SMAP1: variants seen among roughly 807,000 people sequenced by gnomAD.
SMAP1 encodes stromal membrane-associated protein 1.
In SMAP1, 24 loss-of-function variants were observed where a neutral mutation model predicts 58.5. That is an observed-to-expected ratio of 0.41 (90% CI 0.30 to 0.58). SMAP1 has a LOEUF of 0.58. SMAP1 is among the 20% of genes least tolerant of loss of function. The probability of loss-of-function intolerance (pLI) is 0.29; values close to 1 mark genes in which losing one functional copy is unlikely to be tolerated. For missense variants in SMAP1, 563 were observed against 566.3 expected, an observed-to-expected ratio of 0.99 and a Z score of 0.06; for synonymous variants, 216 against 196.6, an observed-to-expected ratio of 1.10 and a Z score of -0.82.
intron 6 of SMAP1, among the ~76,000 whole-genome samples, chr6:70,813,232 C>G (rs1769468118): frequency 1.3e-5 from 2 of 152,018 alleles, no homozygotes; most frequent in South Asian, 4.2e-4. Flanking sequence ...GGGGGTATGT[C>G]ACAGGCTTCT....
intron 6 of SMAP1, among the ~76,000 whole-genome samples, chr6:70,822,280 G>A (rs1769922730): frequency 6.6e-6 from 1 of 152,074 alleles, no homozygotes; most frequent in Admixed American, 6.5e-5. Flanking sequence ...TGTTTGTGAG[G>A]CATTGTTCTA....
intron 6 of SMAP1, among the ~76,000 whole-genome samples, chr6:70,810,021 A>C (rs1769318391): frequency 6.6e-6 from 1 of 152,134 alleles, no homozygotes; most frequent in South Asian, 2.1e-4. Flanking sequence ...ATTAAAAAAG[A>C]AAAAATCTTT....
intron 2 of SMAP1, among the ~76,000 whole-genome samples, chr6:70,747,315 C>G (rs1766085018): frequency 6.6e-6 from 1 of 152,140 alleles, no homozygotes; most frequent in South Asian, 2.1e-4. Flanking sequence ...CCACAATGTG[C>G]TGAGGGCCTT....
chr6:70,675,650 CAAAA>C (rs571061801), intron 1 of SMAP1, among the ~76,000 whole-genome samples: 1 of 82,476 alleles, frequency 1.2e-5, no homozygotes, highest in Non-Finnish European at 2.5e-5. Context: ...GACTCCATCT[CAAAA>C]AAAAAAAAAA....
At chr6:70,830,951 A>G (rs565511269) in intron 6 of SMAP1, among the ~76,000 whole-genome samples, 1 of 152,338 alleles carries the variant, frequency 6.6e-6, no homozygotes, top group Admixed American at 6.5e-5. Context: ...GATTATTTAA[A>G]TTGCCTTGTT....
At chr6:70,782,940 G>A (rs562492677) in intron 4 of SMAP1, among the ~76,000 whole-genome samples, 10 of 152,240 alleles carry the variant, frequency 6.6e-5, no homozygotes, top group South Asian at 6.2e-4. Context: ...GAGAGTAGTC[G>A]TTCTCCCAGC....
chr6:70,695,785 C>A (rs1767377951), intron 1 of SMAP1, among the ~76,000 whole-genome samples: 1 of 152,064 alleles, frequency 6.6e-6, no homozygotes, highest in African/African-American at 2.4e-5. Flanking sequence ...TGATACTAGC[C>A]TTGTAGAATG....
intron 5 of SMAP1, among the ~76,000 whole-genome samples, chr6:70,792,251 G>C (rs1768394295): frequency 1.3e-5 from 2 of 151,924 alleles, no homozygotes; most frequent in East Asian, 1.9e-4. Context: ...TTAGGGTGCA[G>C]ATACTACCAC....
At chr6:70,792,712 A>G (rs1335235559) in intron 5 of SMAP1, among the ~76,000 whole-genome samples, 1 of 152,134 alleles carries the variant, frequency 6.6e-6, no homozygotes, top group Non-Finnish European at 1.5e-5. Flanking sequence ...TGCAAGTAGA[A>G]TGGCATAACT....
chr6:70,721,698 T>C (rs142913303), intron 1 of SMAP1, among the ~76,000 whole-genome samples: 7,212 of 152,244 alleles, frequency 0.047, 248 homozygotes, highest in Middle Eastern at 0.088. Context: ...TAATTGGACT[T>C]ACAGTTCCAC....
intron 2 of SMAP1, among the ~76,000 whole-genome samples, chr6:70,745,781 C>G (rs1264679689): frequency 1.3e-5 from 2 of 152,138 alleles, no homozygotes; most frequent in South Asian, 4.1e-4. Flanking sequence ...GCCATTTTCA[C>G]GATACTGATT....
intron 8 of SMAP1, 101 bp from the exon 9 acceptor site, chr6:70,856,758 T>C: frequency 8.1e-7 from 1 of 1,232,296 alleles, no homozygotes; most frequent in Non-Finnish European, 1.1e-6. Flanking sequence ...TACAATTGTT[T>C]GATTCCTATC....
At chr6:70,740,943 C>T (rs1562126623) in intron 2 of SMAP1, among the ~76,000 whole-genome samples, 1 of 152,234 alleles carries the variant, frequency 6.6e-6, no homozygotes, top group East Asian at 1.9e-4. Flanking sequence ...CTTATAAAAC[C>T]ATTGACTCTC....
At chr6:70,727,080 C>T (rs556514677) in intron 1 of SMAP1, among the ~76,000 whole-genome samples, 11 of 152,022 alleles carry the variant, frequency 7.2e-5, no homozygotes, top group African/African-American at 2.4e-4. Context: ...CCAGACTTTA[C>T]CTGCTGTGTA....
intron 1 of SMAP1, among the ~76,000 whole-genome samples, chr6:70,671,687 C>A (rs977544577): frequency 6.6e-6 from 1 of 152,206 alleles, no homozygotes; most frequent in Admixed American, 6.5e-5. Flanking sequence ...CATGTTCTAT[C>A]TCTGTAGGTT....
chr6:70,825,006 C>A (rs772229594), intron 6 of SMAP1, among the ~76,000 whole-genome samples: 71 of 152,116 alleles, frequency 4.7e-4, no homozygotes, highest in Non-Finnish European at 1.0e-4. Context: ...CCCTGCTCAC[C>A]CTGTCATAGA....
intron 1 of SMAP1, among the ~76,000 whole-genome samples, chr6:70,690,702 A>G (rs926910508): frequency 5.0e-5 from 7 of 141,402 alleles, no homozygotes; most frequent in East Asian, 3.9e-4. Context: ...ATATATATAT[A>G]TATATATTTT....
chr6:70,681,674 G>C (rs1440010294), intron 1 of SMAP1, among the ~76,000 whole-genome samples: 1 of 152,168 alleles, frequency 6.6e-6, no homozygotes, highest in Non-Finnish European at 1.5e-5. Context: ...GTATGTGTGT[G>C]TGTTTTTTAT....
At position 70,773,383 on chromosome 6, in the gene SMAP1, A is replaced by G. The variant is rs1767406787; in HGVS notation, c.372A>G (p.Glu124=). ...AATTTTTCATCAGAGATAAATATGA[A>G]AAGAAGAAATACTACGATAAAAATG... ...AVEFFIRDKY[E]KKKYYDKNAI... is the part of the protein sequence containing the mutation. Residue 124 remains glutamate, a synonymous_variant, in exon 4 of 11, where the codon GAA becomes GAG. Transcript: ENST00000370455. 5 of 1,574,328 alleles carry G rather than the reference A, an allele frequency of 3.2e-6. No individual in the cohort carries two copies. In the African/African-American group the frequency reaches 4.0e-5, roughly 13 times the overall value.
Sources: allele counts gnomAD v4.1 joint callset (sites outside exome capture counted in the v4.1 genomes callset), GRCh38; gene constraint gnomAD v4.1.1; transcripts MANE v1.5; gene names NCBI Gene and HGNC (gene_info 2026-07-23, HGNC 2026-07-21).